RALYL: variants seen among roughly 807,000 people sequenced by gnomAD.
The protein encoded by RALYL is RALY RNA binding protein like, also known as RNA-binding Raly-like protein.
In RALYL, 29 loss-of-function variants were observed where a neutral mutation model predicts 35.1. The ratio of observed to expected loss-of-function variants is 0.83; its 90% CI spans 0.61 to 1.13. The LOEUF (loss-of-function observed/expected upper bound fraction) is 1.13. RALYL is among the 50% of genes most tolerant of loss of function. The pLI is 0.00. For missense variants in RALYL, 359 were observed against 360.4 expected (o/e 1.00, Z 0.03); for synonymous variants, 120 against 127.6 (o/e 0.94, Z 0.40).
intron 6 of RALYL, among the ~76,000 whole-genome samples, chr8:84,870,533 C>T (rs1840013791): frequency 6.6e-6 from 1 of 150,498 alleles, no homozygotes; most frequent in Non-Finnish European, 1.5e-5. Context: ...AGATATTTTT[C>T]CTGTGAAGAT....
intron 2 of RALYL, among the ~76,000 whole-genome samples, chr8:84,658,946 C>A (rs892496941): frequency 6.6e-6 from 1 of 152,018 alleles, no homozygotes; most frequent in Non-Finnish European, 1.5e-5. Flanking sequence ...GAAAACAAAA[C>A]AAAACAAAAC....
intron 1 of RALYL, among the ~76,000 whole-genome samples, chr8:84,270,814 G>A (rs1834165773): frequency 6.6e-6 from 1 of 152,010 alleles, no homozygotes; most frequent in Admixed American, 6.6e-5. Flanking sequence ...TTTGTTCTGA[G>A]TCTAACAAGT....
intron 4 of RALYL, among the ~76,000 whole-genome samples, chr8:84,816,643 G>A (rs1035182064): frequency 2.6e-5 from 4 of 152,044 alleles, no homozygotes; most frequent in African/African-American, 4.8e-5. Flanking sequence ...AGGGGCGGGG[G>A]TATGGTTAAT....
intron 1 of RALYL, among the ~76,000 whole-genome samples, chr8:84,188,907 C>A (rs990225806): frequency 6.6e-6 from 1 of 152,092 alleles, no homozygotes; most frequent in East Asian, 1.9e-4. Flanking sequence ...TTCTTCCTTA[C>A]GTTTAAAAAG....
chr8:84,290,499 G>A (rs1025027252), intron 1 of RALYL, among the ~76,000 whole-genome samples: 2 of 151,798 alleles, frequency 1.3e-5, no homozygotes, highest in Non-Finnish European at 2.9e-5. Context: ...GGGCAGGAGT[G>A]GGGGGTCACA....
intron 1 of RALYL, among the ~76,000 whole-genome samples, chr8:84,186,641 A>G (rs1812598109): frequency 6.6e-6 from 1 of 152,182 alleles, no homozygotes; most frequent in African/African-American, 2.4e-5. Context: ...TGAGATTGAA[A>G]CAATTAATGG....
chr8:84,830,690 A>G lies in RALYL; in HGVS notation c.366-19290A>G, dbSNP rs1830725419. ...CTAACCAAACAAAAAAGAATTAATGAGGAAAAAAAATGGAAGTTCACAAAT... is the reference window on the plus strand; with the variant it reads ...CTAACCAAACAAAAAAGAATTAATGGGGAAAAAAAATGGAAGTTCACAAAT... On this transcript the variant is annotated intron_variant, in intron 4 of 8. Coordinates refer to ENST00000521268, the MANE Select transcript of RALYL (RefSeq NM_173848.7). 1.1e-4 allele frequency among the ~76,000 whole-genome samples: 16 copies of G among 152,318 alleles called. No homozygotes were observed. The South Asian group carries it at 3.3e-3, about 32-fold the overall frequency.
At chr8:84,865,277 T>C (rs1022299915) in intron 6 of RALYL, among the ~76,000 whole-genome samples, 2 of 152,174 alleles carry the variant, frequency 1.3e-5, no homozygotes, top group Admixed American at 6.5e-5. Flanking sequence ...TGAAATAATT[T>C]GAATAAAGAT....
At chr8:84,491,221 C>T (rs529830783) in intron 1 of RALYL, among the ~76,000 whole-genome samples, 1 of 151,932 alleles carries the variant, frequency 6.6e-6, no homozygotes, top group Non-Finnish European at 1.5e-5. Context: ...CTCTCTATCC[C>T]CTACACATAC....
At chr8:84,787,212 A>G (rs1250428468) in intron 3 of RALYL, among the ~76,000 whole-genome samples, 1 of 123,766 alleles carries the variant, frequency 8.1e-6, no homozygotes, top group East Asian at 2.5e-4. Context: ...CTCTGTGTCC[A>G]TGTGTTCTCA....
At chr8:84,622,638 G>T (rs1821801955) in intron 2 of RALYL, among the ~76,000 whole-genome samples, 1 of 152,118 alleles carries the variant, frequency 6.6e-6, no homozygotes, top group Non-Finnish European at 1.5e-5. Context: ...CTCTCTCAGA[G>T]GCCATAAGAC....
chr8:84,491,644 A>T (rs2055321177), intron 1 of RALYL, among the ~76,000 whole-genome samples: 1 of 152,070 alleles, frequency 6.6e-6, no homozygotes, highest in African/African-American at 2.4e-5. Flanking sequence ...AAACAAAAGA[A>T]GGAAGCTCAG....
intron 1 of RALYL, among the ~76,000 whole-genome samples, chr8:84,437,552 AC>A (rs1030303826): frequency 5.3e-5 from 8 of 152,026 alleles, no homozygotes; most frequent in Non-Finnish European, 7.4e-5. Flanking sequence ...AGCCATTCTG[AC>A]TGGGATGAGA....
chr8:84,388,049 G>A (rs1859656167), intron 1 of RALYL, among the ~76,000 whole-genome samples: 1 of 151,864 alleles, frequency 6.6e-6, no homozygotes, highest in Non-Finnish European at 1.5e-5. Flanking sequence ...GTGTCCATGT[G>A]ATCTCATTGT....
chr8:84,199,571 A>G (rs1304380895), intron 1 of RALYL, among the ~76,000 whole-genome samples: 4 of 152,156 alleles, frequency 2.6e-5, no homozygotes, highest in Non-Finnish European at 5.9e-5. Context: ...TTTTTTGCCC[A>G]GACCAATGTC....
chr8:84,213,091 A>G (rs1819901968), intron 1 of RALYL, among the ~76,000 whole-genome samples: 1 of 152,146 alleles, frequency 6.6e-6, no homozygotes, highest in Admixed American at 6.6e-5. Flanking sequence ...TACTTACTGT[A>G]TGAAAATAGA....
At chr8:84,525,551 C>A (rs1266064336) in intron 1 of RALYL, among the ~76,000 whole-genome samples, 7 of 151,868 alleles carry the variant, frequency 4.6e-5, no homozygotes, top group Admixed American at 3.9e-4. Context: ...AATATTTTGG[C>A]CATTAATTTT....
At chr8:84,510,296 C>T (rs1279529662) in intron 1 of RALYL, among the ~76,000 whole-genome samples, 1 of 152,118 alleles carries the variant, frequency 6.6e-6, no homozygotes, top group African/African-American at 2.4e-5. Flanking sequence ...AATTTAAATA[C>T]TGTATTTTTA....
intron 2 of RALYL, among the ~76,000 whole-genome samples, chr8:84,717,920 T>C (rs774132549): frequency 6.6e-6 from 1 of 152,148 alleles, no homozygotes; most frequent in Non-Finnish European, 1.5e-5. Context: ...AACAAATAAC[T>C]ATCATTGCCA....
Sources: allele counts gnomAD v4.1 joint callset (sites outside exome capture counted in the v4.1 genomes callset), GRCh38; gene constraint gnomAD v4.1.1; transcripts MANE v1.5; gene names NCBI Gene and HGNC (gene_info 2026-07-23, HGNC 2026-07-21).